Variants in GNAO1 observed in about 807,000 individuals in gnomAD.
The protein encoded by GNAO1 is G protein subunit alpha o1.
For synonymous variants in GNAO1, 164 were observed against 180.7 expected, an observed-to-expected ratio of 0.91 and a Z score of 0.74; for missense variants, 166 against 478.7, an observed-to-expected ratio of 0.35 and a Z score of 6.10.
intron 6 of GNAO1, among the ~76,000 whole-genome samples, chr16:56,348,692 A>G (rs1395063240): frequency 2.0e-5 from 3 of 152,042 alleles, no homozygotes; most frequent in South Asian, 2.1e-4. Flanking sequence ...CTCCTTGGCA[A>G]TGGGTTCCAG....
intron 3 of GNAO1, chr16:56,302,048 T>A (rs191381999): frequency 6.6e-6 from 1 of 152,376 alleles, no homozygotes; most frequent in East Asian, 1.9e-4. Flanking sequence ...AGCACCTCTG[T>A]CCAGTCCCAC....
chr16:56,281,897 T>C (rs990755514), intron 3 of GNAO1, among the ~76,000 whole-genome samples: 1 of 152,182 alleles, frequency 6.6e-6, no homozygotes, highest in East Asian at 1.9e-4. Flanking sequence ...TACACACACA[T>C]GTGTCTATAT....
intron 2 of GNAO1, among the ~76,000 whole-genome samples, chr16:56,194,966 C>A (rs1190762): frequency 0.13 from 19,279 of 151,796 alleles, 1,545 homozygotes; most frequent in African/African-American, 0.22. Flanking sequence ...GGAAAGTCCT[C>A]TGTGTCTTGT....
chr16:56,297,598 T>C (rs1228213337), intron 3 of GNAO1, among the ~76,000 whole-genome samples: 1 of 151,034 alleles, frequency 6.6e-6, no homozygotes, highest in Admixed American at 6.6e-5. Context: ...AGGTGGGAAT[T>C]TTTTGTTAAG....
intron 2 of GNAO1, among the ~76,000 whole-genome samples, chr16:56,268,214 C>T (rs553233349): frequency 1.8e-4 from 28 of 152,328 alleles, no homozygotes; most frequent in African/African-American, 6.3e-4. Context: ...GGCCAGTCTT[C>T]GTGGCAAAGG....
chr16:56,346,976 C>T, intron 6 of GNAO1: 10 of 985,462 alleles, frequency 1.0e-5, no homozygotes, highest in Non-Finnish European at 1.2e-5. Flanking sequence ...TAACACTCTA[C>T]AGTTAGCACC....
intron 2 of GNAO1, among the ~76,000 whole-genome samples, chr16:56,234,764 G>T (rs1386618627): frequency 6.6e-6 from 1 of 152,094 alleles, no homozygotes; most frequent in Non-Finnish European, 1.5e-5. Context: ...ACCACATTGG[G>T]CATGCAGGGG....
chr16:56,333,495 C>T (rs1298089753), intron 4 of GNAO1, among the ~76,000 whole-genome samples: 1 of 152,232 alleles, frequency 6.6e-6, no homozygotes, highest in African/African-American at 2.4e-5. Context: ...CAGGCGTGAG[C>T]CACCGCACCC....
intron 2 of GNAO1, chr16:56,270,447 TAAC>T (rs1418163019): frequency 4.0e-5 from 6 of 148,392 alleles, no homozygotes; most frequent in Non-Finnish European, 7.4e-5. Flanking sequence ...CACACACACA[TAAC>T]ACACACAGGG....
chr16:56,238,729 A>G (rs1222898255), intron 2 of GNAO1, among the ~76,000 whole-genome samples: 2 of 152,240 alleles, frequency 1.3e-5, no homozygotes, highest in African/African-American at 4.8e-5. Context: ...TTAAAGTAAT[A>G]ATTTTGTTAC....
intron 2 of GNAO1, among the ~76,000 whole-genome samples, chr16:56,269,740 T>C (rs1331597686): frequency 6.6e-6 from 1 of 152,058 alleles, no homozygotes; most frequent in African/African-American, 2.4e-5. Context: ...GGAGATGTAG[T>C]GAAAAACCAT....
At chr16:56,222,621 T>C (rs1318848668) in intron 2 of GNAO1, among the ~76,000 whole-genome samples, 5 of 152,164 alleles carry the variant, frequency 3.3e-5, no homozygotes, top group African/African-American at 1.2e-4. Context: ...TTGGAGGAAA[T>C]TCTGACAGCC....
intron 6 of GNAO1, among the ~76,000 whole-genome samples, chr16:56,340,024 G>A (rs1219930877): frequency 1.3e-5 from 2 of 152,212 alleles, no homozygotes; most frequent in African/African-American, 2.4e-5. Context: ...GGCCCAGGAT[G>A]GCCATGGCCC....
At chr16:56,355,154 AC>A in intron 8 of GNAO1, 73 bp downstream of exon 8, 2 of 508,600 alleles carry the variant, frequency 3.9e-6, no homozygotes, top group Non-Finnish European at 3.4e-6. Context: ...ACACACACAC[AC>A]CACTAACAAA....
intron 2 of GNAO1, among the ~76,000 whole-genome samples, chr16:56,220,681 T>C (rs2036476197): frequency 6.6e-6 from 1 of 152,160 alleles, no homozygotes; most frequent in African/African-American, 2.4e-5. Flanking sequence ...GTGAGGCCTT[T>C]AGGAGGTGCT....
chr16:56,322,171 C>T (rs1021790201), intron 3 of GNAO1, among the ~76,000 whole-genome samples: 2 of 152,118 alleles, frequency 1.3e-5, no homozygotes, highest in Non-Finnish European at 2.9e-5. Flanking sequence ...GCCCCATCTC[C>T]GAACGCCAGC....
chr16:56,210,450 T>G (rs2036375534), intron 2 of GNAO1, among the ~76,000 whole-genome samples: 7 of 152,222 alleles, frequency 4.6e-5, no homozygotes, highest in Admixed American at 4.6e-4. Context: ...ATTGCTGGAT[T>G]GTGTGGTAAG....
chr16:56,250,005 A>G (rs1378863925), intron 2 of GNAO1, among the ~76,000 whole-genome samples: 3 of 152,232 alleles, frequency 2.0e-5, no homozygotes, highest in Non-Finnish European at 2.9e-5. Context: ...GACTTGGCCA[A>G]CAGGGAAGAG....
At chr16:56,286,541 C>T (rs544471270) in intron 3 of GNAO1, among the ~76,000 whole-genome samples, 1 of 152,256 alleles carries the variant, frequency 6.6e-6, no homozygotes, top group African/African-American at 2.4e-5. Flanking sequence ...AGCATCACTC[C>T]TGCACCAAGG....
Sources: allele counts gnomAD v4.1 joint callset (sites outside exome capture counted in the v4.1 genomes callset), GRCh38; gene constraint gnomAD v4.1.1; transcripts MANE v1.5; gene names NCBI Gene and HGNC (gene_info 2026-07-23, HGNC 2026-07-21).